The following SPATA6L variants were observed in gnomAD, a reference collection of about 807,000 sequenced individuals.
SPATA6L encodes spermatogenesis associated 6 like, also known as spermatogenesis associated 6-like protein.
In SPATA6L, 68 loss-of-function variants were observed where a neutral mutation model predicts 49.2. The observed-to-expected ratio is 1.38, with a 90% CI of 1.14 to 1.69. The LOEUF (loss-of-function observed/expected upper bound fraction) is 1.69, where lower values mean the gene tolerates loss of function less well. Ranked by LOEUF, SPATA6L falls within the 40% of genes most tolerant of loss-of-function variation. The probability of loss-of-function intolerance (pLI) is 0.00; values close to 1 mark genes in which losing one functional copy is unlikely to be tolerated. For synonymous variants in SPATA6L, 198 were observed against 165.7 expected (o/e 1.19, Z -1.50); for missense variants, 668 against 464.3 (o/e 1.44, Z -4.03).
At chr9:4,623,230 A>C (rs1261111114) in intron 6 of SPATA6L, among the ~76,000 whole-genome samples, 1 of 152,192 alleles carries the variant, frequency 6.6e-6, no homozygotes, top group Non-Finnish European at 1.5e-5. Context: ...CGGTGAGCTG[A>C]GATCATGCCA....
At chr9:4,642,455 A>G (rs1834235457) in intron 3 of SPATA6L, among the ~76,000 whole-genome samples, 1 of 152,104 alleles carries the variant, frequency 6.6e-6, no homozygotes, top group Non-Finnish European at 1.5e-5. Flanking sequence ...CATCTCCAAA[A>G]GCACCTATTC....
rs1206043231 is a variant in SPATA6L at position 4,599,921 on chromosome 9, C to T, written c.*890G>A. On this transcript the variant is annotated 3_prime_UTR_variant, in exon 12 of 12. Coordinates refer to ENST00000682582, the MANE Select transcript of SPATA6L (RefSeq NM_001353486.2). ...AAGTTTCCATTTTCAGGCCCCTCTT[C>T]TCTGGGTCTGTATCAATGAAGACAA... Among the ~76,000 whole-genome samples the T allele has an allele frequency of 6.6e-6, 1 of 152,196 alleles. No homozygotes were observed. Among genetic ancestry groups the T allele is most frequent in the African/African-American group, 2.4e-5 (1 of 41,436 alleles).
At chr9:4,607,475 G>C (rs1228405462) in intron 9 of SPATA6L, among the ~76,000 whole-genome samples, 1 of 152,208 alleles carries the variant, frequency 6.6e-6, no homozygotes, top group Non-Finnish European at 1.5e-5. Context: ...CCAGAAGAGA[G>C]TGGGGGCCAA....
intron 2 of SPATA6L, among the ~76,000 whole-genome samples, chr9:4,661,460 A>T (rs1839712755): frequency 6.8e-6 from 1 of 147,538 alleles, no homozygotes; most frequent in Non-Finnish European, 1.5e-5. Flanking sequence ...AAATCTGAAC[A>T]GCCTTTTTGT....
intron 1 of SPATA6L, chr9:4,663,521 G>T: frequency 2.4e-6 from 1 of 418,788 alleles, no homozygotes; most frequent in South Asian, 5.4e-5. Flanking sequence ...TATGTTTCCA[G>T]GACAACTGCA....
chr9:4,660,417 A>G (rs892542911), intron 2 of SPATA6L, among the ~76,000 whole-genome samples: 3 of 152,278 alleles, frequency 2.0e-5, no homozygotes, highest in African/African-American at 7.2e-5. Flanking sequence ...CACAGCCAAC[A>G]GACACATGAA....
intron 3 of SPATA6L, among the ~76,000 whole-genome samples, chr9:4,647,039 C>G (rs1209920537): frequency 6.6e-6 from 1 of 151,596 alleles, no homozygotes; most frequent in African/African-American, 2.4e-5. Flanking sequence ...ATATAACAAA[C>G]CTGCACATAT....
In SPATA6L at chr9:4,656,950, C is replaced by G. The variant is rs78895585; in HGVS notation, c.178-861G>C. On this transcript the variant is annotated intron_variant, in intron 2 of 11. Coordinates refer to ENST00000682582, the MANE Select transcript of SPATA6L (RefSeq NM_001353486.2). ...GTACTAGCAACTAGCAGCTACACTC[C>G]CATAGAATAAGGAAAGAAAGAGAGA... Among the ~76,000 whole-genome samples, 881 of 150,366 alleles carry G rather than the reference C, an allele frequency of 5.9e-3. 1 individual carries two copies. Among genetic ancestry groups the G allele is most frequent in the African/African-American group, 0.013 (501 of 39,896 alleles).
chr9:4,602,982 G>C (rs988300819), intron 11 of SPATA6L, among the ~76,000 whole-genome samples: 4 of 152,180 alleles, frequency 2.6e-5, no homozygotes, highest in African/African-American at 9.7e-5. Flanking sequence ...ATAAGGAAGA[G>C]CGATTATTAT....
chr9:4,659,893 G>A (rs1667638451), intron 2 of SPATA6L, among the ~76,000 whole-genome samples: 2 of 152,154 alleles, frequency 1.3e-5, no homozygotes, highest in East Asian at 1.9e-4. Flanking sequence ...ACAACCATCT[G>A]ATATTTGACA....
chr9:4,658,677 G>A (rs924546963), intron 2 of SPATA6L, among the ~76,000 whole-genome samples: 7 of 152,052 alleles, frequency 4.6e-5, no homozygotes, highest in African/African-American at 1.2e-4. Flanking sequence ...GTATCTTTGG[G>A]CTTCTTATAA....
At position 4,598,907 on chromosome 9, in the gene SPATA6L, G is replaced by C. The variant is rs1161858746; in HGVS notation, c.*1904C>G. 2.0e-5 allele frequency among the ~76,000 whole-genome samples: 3 copies of C among 152,250 alleles called. No homozygotes were observed. Among genetic ancestry groups the C allele is most frequent in the Admixed American group, 2.0e-4 (3 of 15,286 alleles). On this transcript the variant is annotated 3_prime_UTR_variant, in exon 12 of 12. Transcript: ENST00000682582. ...TTGGCCTTGCCAAGGTGGAATGCTG[G>C]TTGTGATACAGGTTGAGTCTCCCTT...
intron 11 of SPATA6L, among the ~76,000 whole-genome samples, chr9:4,603,746 T>C (rs1823964249): frequency 2.0e-5 from 3 of 152,176 alleles, no homozygotes; most frequent in Non-Finnish European, 4.4e-5. Flanking sequence ...AAATGCTGTG[T>C]ACTAAAGGGT....
chr9:4,654,866 G>C (rs754621175), intron 3 of SPATA6L, among the ~76,000 whole-genome samples: 4 of 149,660 alleles, frequency 2.7e-5, no homozygotes, highest in Admixed American at 6.6e-5. Context: ...TGCAACATTT[G>C]GGCGGGAAAG....
downstream of SPATA6L, chr9:4,596,483 A>G (rs777249486): frequency 6.6e-6 from 1 of 152,186 alleles, no homozygotes; most frequent in Non-Finnish European, 1.5e-5. Flanking sequence ...TAAAACAAGT[A>G]TGATGTTTAT....
rs369635294 is a variant in SPATA6L at position 4,661,908 on chromosome 9, T to G, written c.168A>C (p.Arg56Ser). The G allele has an allele frequency of 1.2e-6, 2 of 1,613,658 alleles. No homozygotes were observed. The highest frequency in any genetic ancestry group is 1.7e-6 in the Non-Finnish European group (2 of 1,179,708). Reference protein sequence around the residue: ...AFPIMIQESMRFEKVFESAVD... With the variant: ...AFPIMIQESMSFEKVFESAVD... ...AGAAAGTCAAGATCACCTTTTCAAATCTCATGCTCTCCTGAATCATAATGG... is the reference window on the plus strand; with the variant it reads ...AGAAAGTCAAGATCACCTTTTCAAAGCTCATGCTCTCCTGAATCATAATGG... The change falls in exon 2 of 12, where the codon AGA (arginine) becomes AGC (serine). Residue 56 changes from arginine to serine, a missense_variant. By Grantham distance (110) the Arg-to-Ser change is moderately radical. Transcript: ENST00000682582.
At chr9:4,655,621 T>G (rs987395645) in intron 3 of SPATA6L, among the ~76,000 whole-genome samples, 1 of 152,004 alleles carries the variant, frequency 6.6e-6, no homozygotes, top group Non-Finnish European at 1.5e-5. Flanking sequence ...CGATTTCGGC[T>G]CACTGTAACC....
intron 3 of SPATA6L, among the ~76,000 whole-genome samples, chr9:4,637,109 CT>C (rs1269932534): frequency 1.3e-5 from 2 of 152,180 alleles, no homozygotes; most frequent in African/African-American, 4.8e-5. Context: ...AATCAGGCTT[CT>C]AATAATCTCT....
rs1563742889 is a variant in SPATA6L, at chr9:4,662,329, C to T, written c.40-293G>A. On this transcript the variant is annotated intron_variant, in intron 1 of 11. Coordinates refer to ENST00000682582, the MANE Select transcript of SPATA6L (RefSeq NM_001353486.2). The surrounding 1 kb of genome is among the most constrained non-coding windows in gnomAD (Gnocchi z 4.9). ...CGGAAGAGGCTGCAGGGCCGGGAAGCCTCTGTTTGGTCCGGCCAGGTCCCG... is the reference window on the plus strand; with the variant it reads ...CGGAAGAGGCTGCAGGGCCGGGAAGTCTCTGTTTGGTCCGGCCAGGTCCCG... The T allele has an allele frequency of 2.7e-6, 4 of 1,456,726 alleles. No homozygotes were observed. The highest frequency in any genetic ancestry group is 5.0e-5 in the East Asian group (2 of 39,634). 90.2% of individuals were successfully genotyped at this position (1,456,726 alleles called of 1,614,324 possible).
Sources: gnomAD v4.1 joint callset for allele counts (sites outside exome capture counted in the v4.1 genomes callset) on GRCh38, gnomAD v4.1.1 for gene constraint, Gnocchi (gnomAD v3.1) non-coding constraint, MANE v1.5 for transcripts, NCBI Gene and HGNC (gene_info 2026-07-23, HGNC 2026-07-21) for gene names.